GRHL1: variants seen among roughly 807,000 people sequenced by gnomAD.
The protein encoded by GRHL1 is grainyhead-like protein 1 homolog.
In GRHL1, 38 loss-of-function variants were observed where a neutral mutation model predicts 75.7. That is an observed-to-expected ratio of 0.50 (90% CI 0.39 to 0.66). The LOEUF (loss-of-function observed/expected upper bound fraction) is 0.66, where lower values mean the gene tolerates loss of function less well. Among genes scored for constraint, GRHL1 ranks in the 30% least tolerant of loss-of-function variants. GRHL1 has a pLI of 0.00. For synonymous variants in GRHL1, 266 were observed against 279.4 expected, an observed-to-expected ratio of 0.95 and a Z score of 0.48; for missense variants, 589 against 767.5, an observed-to-expected ratio of 0.77 and a Z score of 2.75.
intron 11 of GRHL1, 33 bp from the exon 12 acceptor site, chr2:9,993,174 C>T (rs1213181731): frequency 1.3e-6 from 2 of 1,519,168 alleles, no homozygotes; most frequent in Non-Finnish European, 1.8e-6. Flanking sequence ...TTTGAGCATA[C>T]ATTTGAAAAG....
At chr2:9,985,746 G>C (rs1006434143) in intron 8 of GRHL1, among the ~76,000 whole-genome samples, 3 of 152,212 alleles carry the variant, frequency 2.0e-5, no homozygotes, top group Non-Finnish European at 4.4e-5. Flanking sequence ...GGATTCCTAG[G>C]AAGTTTTTAC....
Position 9,951,845 on chromosome 2 carries a change from G to A in GRHL1, c.12G>A (p.Glu4=), listed in dbSNP as rs1415020545. The A allele has an allele frequency of 6.6e-7, 1 of 1,511,890 alleles. No homozygotes were observed. 93.7% of individuals were successfully genotyped at this position (1,511,890 alleles called of 1,614,324 possible). MTQ[E]YDNKRPVLVL... ...GGCGAGCGGGCGCGATGACACAGGA[G>A]TACGACAAGTGAGTGAGGCGCAGGA... The change falls in exon 1 of 16, where the codon GAG becomes GAA. Residue 4 remains glutamate (E), a synonymous_variant. Transcript: ENST00000324907. The surrounding 1 kb of genome is among the most constrained non-coding windows in gnomAD (Gnocchi z 4.2).
intron 4 of GRHL1, 64 bp from the exon 5 acceptor site, chr2:9,962,391 G>C: frequency 1.1e-6 from 1 of 891,348 alleles, no homozygotes; most frequent in Non-Finnish European, 1.9e-6. Flanking sequence ...CGGTACCAGA[G>C]CTTGGTCTTT....
intron 2 of GRHL1, 33 bp from the exon 3 acceptor site, chr2:9,958,753 G>A: frequency 3.2e-6 from 5 of 1,550,718 alleles, no homozygotes; most frequent in Non-Finnish European, 4.5e-6. Context: ...CACTGGATAA[G>A]AGCTAAATTC....
chr2:9,992,515 T>A lies in GRHL1; in HGVS notation c.1461+369T>A, dbSNP rs918576201. Among the ~76,000 whole-genome samples, 1 of 139,702 alleles carries A rather than the reference T, an allele frequency of 7.2e-6. No homozygotes were observed. The highest frequency in any genetic ancestry group is 3.0e-5 in the African/African-American group (1 of 33,014). The allele number at this position is 139,702 out of a possible 152,430, so 91.6% of individuals were successfully genotyped here. A position where few individuals can be genotyped will look rare whatever the true frequency, so the allele number is the denominator to read the frequency against. ...CAATACCTAGGTTAAGGAGCTCTTATAACATAAGAACATCCGAAGGCTTTT... is the reference window on the plus strand; with the variant it reads ...CAATACCTAGGTTAAGGAGCTCTTAAAACATAAGAACATCCGAAGGCTTTT... On this transcript the variant is annotated intron_variant, in intron 11 of 15. Transcript: ENST00000324907. The surrounding 1 kb of genome is among the most constrained non-coding windows in gnomAD (Gnocchi z 4.6).
chr2:9,956,887 C>A (rs1572331447), intron 2 of GRHL1, among the ~76,000 whole-genome samples: 1 of 152,192 alleles, frequency 6.6e-6, no homozygotes, highest in South Asian at 2.1e-4. Flanking sequence ...ACTACTCCTG[C>A]GTCTCAGAAG....
chr2:9,987,370 G>A lies in GRHL1; in HGVS notation c.1269+1088G>A, dbSNP rs1668466399. 6.6e-6 allele frequency among the ~76,000 whole-genome samples: 1 copy of A among 152,198 alleles called. No homozygotes were observed. Among genetic ancestry groups the A allele is most frequent in the Non-Finnish European group, 1.5e-5 (1 of 68,040 alleles). ...ACTGATAGATTAGAAGGGTTGATAA[G>A]TACGTTTTGTTGGGCATGTCTGATA... is the stretch of plus-strand genomic sequence containing the variant. On this transcript the variant is annotated intron_variant, in intron 9 of 15. Transcript: ENST00000324907. The surrounding 1 kb of genome is among the most constrained non-coding windows in gnomAD (Gnocchi z 4.2).
chr2:9,951,776 G>T lies in GRHL1; in HGVS notation c.-58G>T. The T allele has an allele frequency of 6.7e-7, 1 of 1,486,160 alleles. No individual in the cohort carries two copies. 92.1% of individuals were successfully genotyped at this position (1,486,160 alleles called of 1,614,324 possible). A position where few individuals can be genotyped will look rare whatever the true frequency, so the allele number is the denominator to read the frequency against. On this transcript the variant is annotated 5_prime_UTR_variant, in exon 1 of 16. Coordinates refer to ENST00000324907, the MANE Select transcript of GRHL1 (RefSeq NM_198182.3). The surrounding 1 kb of genome is among the most constrained non-coding windows in gnomAD (Gnocchi z 4.2). ...CCGCCGCCTCCTCCCCCCGGATCGG[G>T]TGTACTGTCCCAACCCGAAAGTCCA... is the stretch of plus-strand genomic sequence containing the variant.
intron 12 of GRHL1, among the ~76,000 whole-genome samples, chr2:9,993,673 C>A (rs1250759935): frequency 6.6e-6 from 1 of 152,140 alleles, no homozygotes; most frequent in African/African-American, 2.4e-5. Flanking sequence ...TGGTTAGATT[C>A]CAGGCCTGGC....
At chr2:9,996,114 A>G (rs1187260859) in intron 13 of GRHL1, 144 bp downstream of exon 13, 1 of 721,650 alleles carries the variant, frequency 1.4e-6, no homozygotes, top group Non-Finnish European at 2.4e-6. Flanking sequence ...AGCTTGAGCT[A>G]GGACTTAGAG....
chr2:9,973,846 G>C (rs1332199319), intron 8 of GRHL1, among the ~76,000 whole-genome samples: 1 of 152,180 alleles, frequency 6.6e-6, no homozygotes, highest in Non-Finnish European at 1.5e-5. Context: ...AGGCAACTGG[G>C]CCTGTGTCCA....
rs759613101 is a variant in GRHL1 at position 10,000,578 on chromosome 2, T to TC, written c.1743-7dup. The TC allele has an allele frequency of 8.1e-4, 1,230 of 1,518,030 alleles. 5 individuals carry two copies. Among genetic ancestry groups the TC allele is most frequent in the Admixed American group, 7.8e-4 (46 of 59,248 alleles). The allele number at this position is 1,518,030 out of a possible 1,614,324, so 94.0% of individuals were successfully genotyped here. A position where few individuals can be genotyped will look rare whatever the true frequency, so the allele number is the denominator to read the frequency against. On this transcript the variant is annotated splice_polypyrimidine_tract_variant and intron_variant, in intron 15 of 15. Transcript: ENST00000324907. ...GTGGCAGTGAAGTTGGTTGGTCTTG[T>TC]CCCCCCCCATCCAGGATCCTGGTGA...
In GRHL1 at chr2:9,992,040, A is replaced by G; in HGVS notation, c.1355A>G (p.His452Arg). 3 of 1,608,446 alleles carry G rather than the reference A, an allele frequency of 1.9e-6. No homozygotes were observed. The highest frequency in any genetic ancestry group is 2.5e-6 in the Non-Finnish European group (3 of 1,177,566). The change falls in exon 11 of 16, where the codon CAC (histidine) becomes CGC (arginine). Residue 452 changes from histidine to arginine, a missense_variant. Physicochemically the swap from His to Arg is conservative, Grantham distance 29. Transcript: ENST00000324907. This position sits in a 1 kb window ranked among gnomAD's most constrained non-coding sequence, Gnocchi z 4.6. ...GTTAAAGTGCCACTGCTTCCCTCTC[A>G]CAAGCGAATGGATATCACAGTTTTC... Reference protein sequence around the residue: ...SDVKVPLLPSHKRMDITVFKP... With the variant: ...SDVKVPLLPSRKRMDITVFKP...
chr2:9,983,879 G>A (rs1161099189), intron 8 of GRHL1, among the ~76,000 whole-genome samples: 1 of 151,662 alleles, frequency 6.6e-6, no homozygotes, highest in African/African-American at 2.4e-5. Context: ...AAATGTGGCC[G>A]GGAGTGGTGA....
At chr2:9,980,168 T>G (rs1668137310) in intron 8 of GRHL1, among the ~76,000 whole-genome samples, 1 of 151,568 alleles carries the variant, frequency 6.6e-6, no homozygotes, top group South Asian at 2.1e-4. Flanking sequence ...TGGTTTGTTT[T>G]TTTTTTGTCT....
At chr2:9,981,502 G>C (rs1039614668) in intron 8 of GRHL1, among the ~76,000 whole-genome samples, 1 of 152,212 alleles carries the variant, frequency 6.6e-6, no homozygotes, top group Non-Finnish European at 1.5e-5. Context: ...TCTGAGGCGC[G>C]GGCCAGCTAG....
At chr2:9,972,879 TTCTG>T (rs1001850293) in intron 8 of GRHL1, among the ~76,000 whole-genome samples, 11 of 152,302 alleles carry the variant, frequency 7.2e-5, no homozygotes, top group South Asian at 2.1e-4. Flanking sequence ...TGGTTTTTTT[TTCTG>T]TCTGTCTTTT....
Position 9,967,104 on chromosome 2 carries a change from T to C in GRHL1, c.1110+1723T>C, listed in dbSNP as rs183667539. On this transcript the variant is annotated intron_variant, in intron 8 of 15. Coordinates refer to ENST00000324907, the MANE Select transcript of GRHL1 (RefSeq NM_198182.3). ...CTGGAGTGTTACTTGCTGTTTGCCATTGGGGCCTCACTGAGAAATTGTGGA... is the reference window on the plus strand; with the variant it reads ...CTGGAGTGTTACTTGCTGTTTGCCACTGGGGCCTCACTGAGAAATTGTGGA... Among the ~76,000 whole-genome samples, 1,258 of 152,348 alleles carry C rather than the reference T, an allele frequency of 8.3e-3. 12 individuals are homozygous for C. Among genetic ancestry groups the C allele is most frequent in the Middle Eastern group, 0.014 (4 of 294 alleles).
rs1225280724 is a variant in GRHL1, at chr2:9,958,793, G to C, written c.215G>C (p.Arg72Thr). ...GLLYDYYKVP[R>T]ERRSSTAKPE... ...CATGTGTGCTAATATCAGGTTCCAA[G>C]AGAGAGAAGGTCATCAACAGCAAAG... Residue 72 changes from arginine to threonine, a missense_variant, in exon 3 of 16, where the codon AGA becomes ACA. Physicochemically the swap from Arg to Thr is moderately conservative, Grantham distance 71. This residue lies in a region of GRHL1 where 362 missense variants were observed against 461.8 expected (regional missense o/e 0.78). Transcript: ENST00000324907. 1 of 1,613,038 alleles carries C rather than the reference G, an allele frequency of 6.2e-7. No homozygotes were observed. The highest frequency in any genetic ancestry group is 8.5e-7 in the Non-Finnish European group (1 of 1,179,178).
Sources: gnomAD v4.1 joint callset for allele counts (sites outside exome capture counted in the v4.1 genomes callset) on GRCh38, gnomAD v4.1.1 for gene constraint, gnomAD v4.1.1 regional missense constraint, Gnocchi (gnomAD v3.1) non-coding constraint, MANE v1.5 for transcripts, NCBI Gene and HGNC (gene_info 2026-07-23, HGNC 2026-07-21) for gene names.